The following RBFOX1 variants were observed in gnomAD, a reference collection of about 807,000 sequenced individuals.
RBFOX1 encodes RNA binding fox-1 homolog 1.
RBFOX1 carries 8 observed loss-of-function variants against 57.7 expected under a neutral mutation model. The ratio of observed to expected loss-of-function variants is 0.14; its 90% CI spans 0.08 to 0.25. The LOEUF (loss-of-function observed/expected upper bound fraction) is 0.25. RBFOX1 is among the 10% of genes least tolerant of loss of function. The probability of loss-of-function intolerance (pLI) is 1.00; values close to 1 mark genes in which losing one functional copy is unlikely to be tolerated. For synonymous variants in RBFOX1, 326 were observed against 222.4 expected (o/e 1.47, Z -4.15); for missense variants, 611 against 548.5 (o/e 1.11, Z -1.14).
chr16:5,642,331 T>C (rs1278852631), intron 3 of RBFOX1, among the ~76,000 whole-genome samples: 1 of 152,188 alleles, frequency 6.6e-6, no homozygotes, highest in Non-Finnish European at 1.5e-5. Context: ...CCGAAATACA[T>C]GAAAGCAATC....
At chr16:6,582,608 G>A (rs2097551415) in intron 2 of RBFOX1, among the ~76,000 whole-genome samples, 1 of 151,954 alleles carries the variant, frequency 6.6e-6, no homozygotes, top group Admixed American at 6.6e-5. Flanking sequence ...CTTAAATGAT[G>A]ACATCGTAGA....
Position 5,946,578 on chromosome 16 carries a change from A to G in RBFOX1, c.351+79243A>G, listed in dbSNP as rs965864421. On this transcript the variant is annotated intron_variant, in intron 4 of 19. Coordinates refer to the RBFOX1 transcript ENST00000641259. This position sits in a 1 kb window ranked among gnomAD's most constrained non-coding sequence, Gnocchi z 4.6. ...ATTTTTTTCCAACTGGGTGTTCCTG[A>G]GTTATATCCTTTACGATATACCGGT... Among the ~76,000 whole-genome samples, 2 of 152,140 alleles carry G rather than the reference A, an allele frequency of 1.3e-5. No individual in the cohort carries two copies. The highest frequency in any genetic ancestry group is 4.8e-5 in the African/African-American group (2 of 41,416).
At chr16:5,280,398 C>A (rs1201954909) in intron 1 of RBFOX1, among the ~76,000 whole-genome samples, 1 of 152,126 alleles carries the variant, frequency 6.6e-6, no homozygotes, top group East Asian at 1.9e-4. Flanking sequence ...GTAGTTTTCT[C>A]TTTTTGTTGT....
At chr16:5,758,573 C>T (rs1307457787) in intron 3 of RBFOX1, among the ~76,000 whole-genome samples, 1 of 152,184 alleles carries the variant, frequency 6.6e-6, no homozygotes, top group Admixed American at 6.5e-5. Flanking sequence ...CAGTGACACT[C>T]TTAGAATGCA....
intron 4 of RBFOX1, among the ~76,000 whole-genome samples, chr16:5,959,910 G>A (rs1288216511): frequency 1.3e-5 from 2 of 152,132 alleles, no homozygotes; most frequent in African/African-American, 4.8e-5. Flanking sequence ...TTGAATAAGA[G>A]GAACCCTAGG....
At chr16:7,710,439 G>C (rs1452272683) in intron 15 of RBFOX1, 184 bp from the exon 16 acceptor site, 1 of 1,417,744 alleles carries the variant, frequency 7.1e-7, no homozygotes, top group Non-Finnish European at 9.1e-7. Context: ...TCTTTAGGAG[G>C]AGCTATTGGG....
chr16:5,824,546 T>A (rs1395785663), intron 3 of RBFOX1, among the ~76,000 whole-genome samples: 2 of 152,162 alleles, frequency 1.3e-5, no homozygotes, highest in African/African-American at 4.8e-5. Flanking sequence ...TCTGGGGTGA[T>A]TGACACATGC....
chr16:5,345,221 G>A (rs758040313), intron 1 of RBFOX1, among the ~76,000 whole-genome samples: 2 of 152,132 alleles, frequency 1.3e-5, no homozygotes, highest in Non-Finnish European at 2.9e-5. Flanking sequence ...TTCTCATTCC[G>A]CTTTGTGGCC....
chr16:7,284,533 A>T (rs1015663051), intron 4 of RBFOX1, among the ~76,000 whole-genome samples: 1 of 152,052 alleles, frequency 6.6e-6, no homozygotes, highest in Non-Finnish European at 1.5e-5. Context: ...GTCCTGCTAT[A>T]TTGTCCAGAT....
intron 3 of RBFOX1, among the ~76,000 whole-genome samples, chr16:7,034,867 G>C (rs1272809299): frequency 4.5e-4 from 1 of 2,214 alleles, no homozygotes; most frequent in African/African-American, 4.2e-3. Context: ...TTTTTTTTTT[G>C]AGATGGAGTC....
chr16:7,536,808 C>T (rs2081583985), intron 5 of RBFOX1, among the ~76,000 whole-genome samples: 2 of 152,296 alleles, frequency 1.3e-5, no homozygotes, highest in South Asian at 4.1e-4. Context: ...AGAGTATTTA[C>T]ACTATGGGCA....
chr16:7,101,637 C>A (rs560676798), intron 4 of RBFOX1, among the ~76,000 whole-genome samples: 1 of 152,152 alleles, frequency 6.6e-6, no homozygotes, highest in Admixed American at 6.5e-5. Context: ...GCAGGTTATT[C>A]AAAGGTACTT....
intron 4 of RBFOX1, among the ~76,000 whole-genome samples, chr16:7,155,410 A>G (rs978639955): frequency 6.6e-6 from 1 of 151,806 alleles, no homozygotes; most frequent in Non-Finnish European, 1.5e-5. Context: ...GATACATGGA[A>G]AAACTCCATA....
chr16:6,900,262 A>C (rs903972949), intron 3 of RBFOX1, among the ~76,000 whole-genome samples: 1 of 152,094 alleles, frequency 6.6e-6, no homozygotes, highest in Non-Finnish European at 1.5e-5. Context: ...ATAATATTCA[A>C]AGTCAATATG....
chr16:5,766,472 CT>C (rs1390500518), intron 3 of RBFOX1, among the ~76,000 whole-genome samples: 2 of 152,092 alleles, frequency 1.3e-5, no homozygotes, highest in African/African-American at 2.4e-5. Context: ...GTAGTACCAG[CT>C]ACTTGGGAGG....
At chr16:7,139,608 G>C (rs1385748810) in intron 4 of RBFOX1, among the ~76,000 whole-genome samples, 2 of 152,164 alleles carry the variant, frequency 1.3e-5, no homozygotes, top group Non-Finnish European at 2.9e-5. Flanking sequence ...CAGCAATGGT[G>C]AGGAAAGGAT....
chr16:6,786,227 C>G (rs1399127275), intron 3 of RBFOX1, among the ~76,000 whole-genome samples: 13 of 152,128 alleles, frequency 8.5e-5, no homozygotes, highest in Non-Finnish European at 1.8e-4. Context: ...AGAAGAGGGT[C>G]AGAACTGGAC....
intron 4 of RBFOX1, among the ~76,000 whole-genome samples, chr16:5,928,322 A>T (rs528526351): frequency 3.9e-4 from 59 of 151,586 alleles, no homozygotes; most frequent in African/African-American, 1.4e-3. Flanking sequence ...GCCTCAAATG[A>T]TCCTCCAGCC....
At chr16:6,239,629 C>G (rs1197302208) in intron 1 of RBFOX1, among the ~76,000 whole-genome samples, 3 of 151,216 alleles carry the variant, frequency 2.0e-5, no homozygotes, top group Non-Finnish European at 2.9e-5. Flanking sequence ...TCCTGAGTAG[C>G]TGGGACTACA....
Sources: allele counts gnomAD v4.1 joint callset (sites outside exome capture counted in the v4.1 genomes callset), GRCh38; gene constraint gnomAD v4.1.1; non-coding constraint Gnocchi (gnomAD v3.1); transcripts MANE v1.5; gene names NCBI Gene and HGNC (gene_info 2026-07-23, HGNC 2026-07-21).